The following DSCAM variants were observed in gnomAD, a reference collection of about 807,000 sequenced individuals.
DSCAM encodes the protein cell adhesion molecule DSCAM.
Under a neutral mutation model 217.7 loss-of-function variants are expected in DSCAM, and 47 were observed. The observed-to-expected ratio is 0.22, with a 90% CI of 0.17 to 0.28. The LOEUF (loss-of-function observed/expected upper bound fraction) is 0.28, where lower values mean the gene tolerates loss of function less well. DSCAM is among the 10% of genes least tolerant of loss of function. The pLI, the probability that DSCAM is intolerant of heterozygous loss-of-function variation, is 1.00. For missense variants in DSCAM, 2,080 were observed against 2,618.3 expected, an observed-to-expected ratio of 0.79 and a Z score of 4.49; for synonymous variants, 1,056 against 1,015.3, an observed-to-expected ratio of 1.04 and a Z score of -0.76.
At chr21:40,592,323 ATATC>A (rs2076989933) in intron 3 of DSCAM, among the ~76,000 whole-genome samples, 1 of 152,210 alleles carries the variant, frequency 6.6e-6, no homozygotes, top group Non-Finnish European at 1.5e-5. Flanking sequence ...TATTAACTCA[ATATC>A]TATCAAATAT....
At chr21:40,768,292 C>A (rs1371664434) in intron 1 of DSCAM, among the ~76,000 whole-genome samples, 1 of 152,078 alleles carries the variant, frequency 6.6e-6, no homozygotes, top group Non-Finnish European at 1.5e-5. Flanking sequence ...GGCCTTCCCA[C>A]CTGCCTCATT....
At chr21:40,236,443 G>C (rs2146933585) in intron 11 of DSCAM, among the ~76,000 whole-genome samples, 1 of 152,210 alleles carries the variant, frequency 6.6e-6, no homozygotes, top group Admixed American at 6.5e-5. Context: ...TCCAAAATCT[G>C]TACAGAACTT....
intron 3 of DSCAM, among the ~76,000 whole-genome samples, chr21:40,457,734 G>C (rs1369753633): frequency 6.6e-6 from 1 of 152,158 alleles, no homozygotes; most frequent in African/African-American, 2.4e-5. Context: ...TTTACAATGT[G>C]AATGTGCTAC....
intron 3 of DSCAM, among the ~76,000 whole-genome samples, chr21:40,638,497 G>C (rs957066513): frequency 7.9e-5 from 12 of 152,198 alleles, no homozygotes; most frequent in African/African-American, 2.9e-4. Flanking sequence ...TTAACATTTG[G>C]ATAGCAAAGG....
At chr21:40,092,209 C>T (rs193012055) in intron 21 of DSCAM, among the ~76,000 whole-genome samples, 8 of 152,234 alleles carry the variant, frequency 5.3e-5, no homozygotes, top group Non-Finnish European at 1.2e-4. Context: ...CTTCCCCCAT[C>T]TATTTAGCTG....
intron 3 of DSCAM, among the ~76,000 whole-genome samples, chr21:40,585,385 A>C (rs1176194579): frequency 1.4e-4 from 7 of 50,870 alleles, no homozygotes; most frequent in Non-Finnish European, 3.1e-4. Context: ...CCGCCACTGC[A>C]CTCCAGCCTG....
At chr21:40,762,899 A>G (rs1016542985) in intron 1 of DSCAM, among the ~76,000 whole-genome samples, 6 of 152,214 alleles carry the variant, frequency 3.9e-5, no homozygotes, top group African/African-American at 1.4e-4. Flanking sequence ...AAACACCTTC[A>G]TGCTAAAAAC....
intron 1 of DSCAM, among the ~76,000 whole-genome samples, chr21:40,816,174 T>C (rs2091880151): frequency 6.6e-6 from 1 of 152,204 alleles, no homozygotes; most frequent in South Asian, 2.1e-4. Context: ...CAAAGTGCTA[T>C]AAGTGCTGTA....
intron 32 of DSCAM, among the ~76,000 whole-genome samples, chr21:40,038,143 C>T (rs1349798074): frequency 2.6e-5 from 4 of 151,196 alleles, no homozygotes; most frequent in African/African-American, 9.8e-5. Context: ...AAAGCAAAGG[C>T]AACAAAAGCC....
At chr21:40,613,964 T>C (rs2089351244) in intron 3 of DSCAM, among the ~76,000 whole-genome samples, 1 of 152,210 alleles carries the variant, frequency 6.6e-6, no homozygotes. Context: ...ATCGTTATCC[T>C]TGCACAAAAG....
At chr21:40,800,709 TACTTTC>T (rs1339685350) in intron 1 of DSCAM, among the ~76,000 whole-genome samples, 1 of 145,982 alleles carries the variant, frequency 6.9e-6, no homozygotes, top group African/African-American at 2.6e-5. Flanking sequence ...TCTTCTTTCT[TACTTTC>T]TTTTTTTTTT....
At chr21:40,126,286 AAGG>A (rs1227177204) in intron 19 of DSCAM, among the ~76,000 whole-genome samples, 2 of 151,856 alleles carry the variant, frequency 1.3e-5, no homozygotes, top group Admixed American at 1.3e-4. Flanking sequence ...GGAAGGAAGG[AAGG>A]AGGGAAGGAA....
chr21:40,419,696 T>G (rs1034359558), intron 3 of DSCAM, among the ~76,000 whole-genome samples: 2 of 152,212 alleles, frequency 1.3e-5, no homozygotes, highest in Non-Finnish European at 2.9e-5. Context: ...TTGCATAACT[T>G]AATCTCAGCT....
In DSCAM at chr21:40,667,998, C is replaced by A. The variant is rs917086430; in HGVS notation, c.508+24812G>T. On this transcript the variant is annotated intron_variant, in intron 3 of 32. Transcript: ENST00000400454. ...TTTCCCCAGTACCTTCCTTCTAATA[C>A]CTTTCCAAATTTTTATCTGGAAGTA... Among the ~76,000 whole-genome samples the A allele has an allele frequency of 2.9e-4, 44 of 152,154 alleles. 1 individual carries two copies. The highest frequency in any genetic ancestry group is 9.7e-4 in the African/African-American group (40 of 41,424).
intron 20 of DSCAM, among the ~76,000 whole-genome samples, chr21:40,120,608 T>C (rs776495620): frequency 1.1e-4 from 16 of 152,222 alleles, no homozygotes; most frequent in Non-Finnish European, 2.2e-4. Context: ...ATCCACAAAT[T>C]ATGTGGATGA....
At chr21:40,215,356 C>G (rs1439376421) in intron 11 of DSCAM, among the ~76,000 whole-genome samples, 2 of 103,314 alleles carry the variant, frequency 1.9e-5, no homozygotes, top group Non-Finnish European at 4.3e-5. Flanking sequence ...AAAACCTGTA[C>G]GTGTACCCTC....
chr21:40,304,271 T>C (rs2074047595), intron 9 of DSCAM, among the ~76,000 whole-genome samples: 1 of 152,242 alleles, frequency 6.6e-6, no homozygotes, highest in Non-Finnish European at 1.5e-5. Context: ...AGCTTTACAA[T>C]GACCCCAGGT....
chr21:40,733,262 C>A (rs181052877), intron 1 of DSCAM, among the ~76,000 whole-genome samples: 2 of 152,316 alleles, frequency 1.3e-5, no homozygotes, highest in Admixed American at 1.3e-4. Flanking sequence ...AACAGAGGAG[C>A]CTGCTGGATA....
intron 3 of DSCAM, among the ~76,000 whole-genome samples, chr21:40,391,625 A>C (rs1311773573): frequency 1.3e-5 from 2 of 152,186 alleles, no homozygotes; most frequent in African/African-American, 4.8e-5. Context: ...CGTAAGCTTG[A>C]GCAGTGTCAG....
Sources: gnomAD v4.1 joint callset for allele counts (sites outside exome capture counted in the v4.1 genomes callset) on GRCh38, gnomAD v4.1.1 for gene constraint, MANE v1.5 for transcripts, NCBI Gene and HGNC (gene_info 2026-07-23, HGNC 2026-07-21) for gene names.